CADM2: variants seen among roughly 807,000 people sequenced by gnomAD.
CADM2 encodes the protein immunoglobulin superfamily member 4D.
In CADM2, 12 loss-of-function variants were observed where a neutral mutation model predicts 49.8. The observed-to-expected ratio is 0.24, with a 90% confidence interval of 0.15 to 0.39. The LOEUF (loss-of-function observed/expected upper bound fraction) is 0.39. CADM2 is among the 10% of genes least tolerant of loss of function. CADM2 has a pLI of 1.00. For missense variants in CADM2, 378 were observed against 492.3 expected (o/e 0.77, Z 2.20); for synonymous variants, 214 against 175.4 (o/e 1.22, Z -1.74).
At chr3:85,619,294 A>G (rs1379929230) in intron 1 of CADM2, among the ~76,000 whole-genome samples, 1 of 151,992 alleles carries the variant, frequency 6.6e-6, no homozygotes, top group Non-Finnish European at 1.5e-5. Flanking sequence ...ATATTTTTTC[A>G]CTGGAAACTG....
intron 1 of CADM2, among the ~76,000 whole-genome samples, chr3:85,284,844 T>A (rs1008600351): frequency 1.3e-5 from 2 of 151,912 alleles, no homozygotes; most frequent in African/African-American, 4.8e-5. Context: ...AATGGAGGCC[T>A]GAGAGGATTT....
chr3:85,138,453 T>G (rs1483177215), intron 1 of CADM2, among the ~76,000 whole-genome samples: 1 of 152,162 alleles, frequency 6.6e-6, no homozygotes, highest in Non-Finnish European at 1.5e-5. Flanking sequence ...GCATTCAGAC[T>G]TAGATATTTA....
chr3:85,762,594 C>CT (rs2069443354), intron 2 of CADM2, among the ~76,000 whole-genome samples: 1 of 50,416 alleles, frequency 2.0e-5, no homozygotes, highest in Non-Finnish European at 3.4e-5. Flanking sequence ...CTGCACTACT[C>CT]CTCTCTCTCT....
intron 3 of CADM2, among the ~76,000 whole-genome samples, chr3:85,814,838 A>G (rs922485967): frequency 6.6e-6 from 1 of 151,924 alleles, no homozygotes; most frequent in Admixed American, 6.6e-5. Flanking sequence ...TATACTATAA[A>G]ATACTTCTAT....
chr3:86,006,829 T>C (rs1369462956), intron 8 of CADM2, among the ~76,000 whole-genome samples: 2 of 152,026 alleles, frequency 1.3e-5, no homozygotes, highest in South Asian at 4.2e-4. Context: ...TCACCTGAGG[T>C]CAGGAGTTCG....
Position 85,190,286 on chromosome 3 carries a change from C to T in CADM2, c.61+230618C>T, listed in dbSNP as rs559650331. Among the ~76,000 whole-genome samples the T allele has an allele frequency of 4.6e-5, 7 of 152,152 alleles. No homozygotes were observed. The East Asian group carries it at 9.7e-4, about 21-fold the overall frequency. On this transcript the variant is annotated intron_variant, in intron 1 of 9. Coordinates refer to ENST00000383699, the MANE Select transcript of CADM2 (RefSeq NM_001167675.2). ...TGCTTGTTCACTTCTAAACCTAGAA[C>T]GTATTTTTCTTCTCTCCTTTTTGTG... is the stretch of plus-strand genomic sequence containing the variant.
chr3:85,763,410 G>A (rs1343535531), intron 2 of CADM2, among the ~76,000 whole-genome samples: 1 of 152,166 alleles, frequency 6.6e-6, no homozygotes, highest in African/African-American at 2.4e-5. Flanking sequence ...GAATGCTGAA[G>A]TCCTTTGGAA....
intron 2 of CADM2, among the ~76,000 whole-genome samples, chr3:85,763,133 C>T (rs1254122095): frequency 6.6e-6 from 1 of 152,136 alleles, no homozygotes; most frequent in Non-Finnish European, 1.5e-5. Context: ...AACTAGCATA[C>T]AACTGACTGC....
intron 3 of CADM2, among the ~76,000 whole-genome samples, chr3:85,828,216 T>G (rs2074013932): frequency 6.6e-6 from 1 of 152,006 alleles, no homozygotes; most frequent in South Asian, 2.1e-4. Context: ...ATTTAGAAAC[T>G]GTTTGAACTT....
chr3:85,411,701 C>T (rs962440089), intron 1 of CADM2, among the ~76,000 whole-genome samples: 15 of 152,084 alleles, frequency 9.9e-5, no homozygotes, highest in Admixed American at 2.0e-4. Flanking sequence ...AAAAACACCA[C>T]CAAGGTTTAT....
rs574323108 is a variant in CADM2 at position 85,365,639 on chromosome 3, C to A, written c.62-360883C>A. On this transcript the variant is annotated intron_variant, in intron 1 of 9. Coordinates refer to ENST00000383699, the MANE Select transcript of CADM2 (RefSeq NM_001167675.2). Reference sequence around the variant, plus strand: ...GTGTTGTTTGTTAGTTGTTCATTTACCTGTAGAAAGGTAGGCTACAGAGAT... The same window carrying A: ...GTGTTGTTTGTTAGTTGTTCATTTAACTGTAGAAAGGTAGGCTACAGAGAT... Among the ~76,000 whole-genome samples, 8 of 152,028 alleles carry A rather than the reference C, an allele frequency of 5.3e-5. No individual in the cohort carries two copies. In the East Asian group the frequency reaches 1.6e-3, roughly 29 times the overall value.
At chr3:85,098,316 A>G (rs1226950395) in intron 1 of CADM2, among the ~76,000 whole-genome samples, 1 of 152,046 alleles carries the variant, frequency 6.6e-6, no homozygotes, top group Non-Finnish European at 1.5e-5. Context: ...CCAAAGGTAC[A>G]CAGTTTAAAC....
intron 1 of CADM2, among the ~76,000 whole-genome samples, chr3:85,260,585 C>T (rs897537811): frequency 6.6e-6 from 1 of 152,120 alleles, no homozygotes; most frequent in East Asian, 1.9e-4. Context: ...TACATGGTGC[C>T]TGCCAGTGGT....
Position 85,802,099 on chromosome 3 carries a change from A to G in CADM2, c.141A>G (p.Gly47=), listed in dbSNP as rs1358017729. Residue 47 remains glycine (G), a synonymous_variant, in exon 3 of 10, where the codon GGA becomes GGG. Coordinates refer to ENST00000383699, the MANE Select transcript of CADM2 (RefSeq NM_001167675.2). The part of the protein sequence containing the change: ...LTQNVTVVEG[G]TAILTCRVDQ... ...AGAATGTAACCGTTGTTGAAGGTGG[A>G]ACTGCAATTTTGACCTGCAGGGTTG... The G allele has an allele frequency of 1.2e-6, 2 of 1,613,176 alleles. No homozygotes were observed. Among genetic ancestry groups the G allele is most frequent in the South Asian group, 1.1e-5 (1 of 91,010 alleles).
chr3:85,137,824 A>G (rs554861194), intron 1 of CADM2, among the ~76,000 whole-genome samples: 23 of 152,264 alleles, frequency 1.5e-4, no homozygotes, highest in African/African-American at 5.1e-4. Flanking sequence ...TTTTGGCTGA[A>G]TCATACACAA....
intron 1 of CADM2, among the ~76,000 whole-genome samples, chr3:85,418,848 T>C (rs80006338): frequency 0.014 from 2,075 of 152,290 alleles, 117 homozygotes; most frequent in South Asian, 0.11. Context: ...GAAGTGAAGA[T>C]AGTAACCATT....
At chr3:85,377,883 A>C (rs1373262202) in intron 1 of CADM2, among the ~76,000 whole-genome samples, 1 of 152,018 alleles carries the variant, frequency 6.6e-6, no homozygotes, top group Non-Finnish European at 1.5e-5. Flanking sequence ...AGAAAATCAA[A>C]ATTCGATGTC....
intron 3 of CADM2, among the ~76,000 whole-genome samples, chr3:85,833,967 A>T (rs930235329): frequency 2.0e-5 from 3 of 151,662 alleles, no homozygotes; most frequent in Admixed American, 6.6e-5. Flanking sequence ...ACATTTTAAC[A>T]GTACTAATTC....
chr3:85,043,947 T>A (rs1354198222), intron 1 of CADM2, among the ~76,000 whole-genome samples: 1 of 152,120 alleles, frequency 6.6e-6, no homozygotes, highest in Non-Finnish European at 1.5e-5. Context: ...GCATGCTTTC[T>A]CCCCAACATT....
Sources: allele counts gnomAD v4.1 joint callset (sites outside exome capture counted in the v4.1 genomes callset), GRCh38; gene constraint gnomAD v4.1.1; transcripts MANE v1.5; gene names NCBI Gene and HGNC (gene_info 2026-07-23, HGNC 2026-07-21).